Variants in SPAG16 observed in about 807,000 individuals in gnomAD.
The protein encoded by SPAG16 is sperm-associated antigen 16 protein.
A neutral mutation model predicts 80.4 loss-of-function variants in SPAG16; 86 were observed. The observed-to-expected ratio is 1.07, with a 90% CI of 0.90 to 1.28. The LOEUF is 1.28. SPAG16 is among the 50% of genes most tolerant of loss of function. The probability of loss-of-function intolerance (pLI) is 0.00; values close to 1 mark genes in which losing one functional copy is unlikely to be tolerated. For missense variants in SPAG16, 870 were observed against 765.3 expected, an observed-to-expected ratio of 1.14 and a Z score of -1.61; for synonymous variants, 294 against 265.9, an observed-to-expected ratio of 1.11 and a Z score of -1.03.
intron 11 of SPAG16, among the ~76,000 whole-genome samples, chr2:213,863,289 G>T (rs2075557951): frequency 6.6e-6 from 1 of 151,964 alleles, no homozygotes; most frequent in Non-Finnish European, 1.5e-5. Flanking sequence ...AAACTCTCTG[G>T]CCTGATTACT....
intron 10 of SPAG16, among the ~76,000 whole-genome samples, chr2:213,541,326 G>C (rs2076439336): frequency 6.6e-6 from 1 of 152,122 alleles, no homozygotes; most frequent in African/African-American, 2.4e-5. Context: ...GTATGCTCTT[G>C]AAACATCTTG....
intron 10 of SPAG16, among the ~76,000 whole-genome samples, chr2:213,595,893 A>C (rs1334886575): frequency 6.6e-6 from 1 of 152,074 alleles, no homozygotes; most frequent in Admixed American, 6.5e-5. Context: ...ATTATCCAAC[A>C]GTATATTAAA....
intron 13 of SPAG16, among the ~76,000 whole-genome samples, chr2:214,056,360 C>T (rs1314668106): frequency 1.3e-5 from 2 of 151,094 alleles, no homozygotes; most frequent in East Asian, 3.9e-4. Context: ...ATAAGCATAC[C>T]TTGGAGATAC....
intron 10 of SPAG16, among the ~76,000 whole-genome samples, chr2:213,786,970 A>C (rs1269289592): frequency 9.2e-5 from 14 of 152,188 alleles, no homozygotes; most frequent in Admixed American, 9.2e-4. Flanking sequence ...AAACAAATGA[A>C]GGTTATTTAT....
intron 10 of SPAG16, among the ~76,000 whole-genome samples, chr2:213,522,598 C>T (rs1295079745): frequency 3.3e-5 from 5 of 152,088 alleles, no homozygotes; most frequent in Admixed American, 2.6e-4. Context: ...GTGGCTGAGA[C>T]AGAGAAGGTG....
intron 10 of SPAG16, among the ~76,000 whole-genome samples, chr2:213,493,383 T>C (rs1366496990): frequency 6.6e-6 from 1 of 152,150 alleles, no homozygotes; most frequent in Non-Finnish European, 1.5e-5. Flanking sequence ...TTAAAAATCA[T>C]TGATGTATTA....
At chr2:213,762,474 A>G (rs1285809760) in intron 10 of SPAG16, among the ~76,000 whole-genome samples, 2 of 152,208 alleles carry the variant, frequency 1.3e-5, no homozygotes, top group African/African-American at 4.8e-5. Context: ...AACAGAACCT[A>G]GAAATAAACC....
At chr2:214,381,654 G>A (rs539770637) in intron 15 of SPAG16, among the ~76,000 whole-genome samples, 1 of 152,326 alleles carries the variant, frequency 6.6e-6, no homozygotes, top group African/African-American at 2.4e-5. Context: ...AGAGACTCCA[G>A]GTGAAGAGCA....
intron 6 of SPAG16, among the ~76,000 whole-genome samples, chr2:213,348,215 T>G (rs1465085073): frequency 6.6e-6 from 1 of 152,120 alleles, no homozygotes; most frequent in Non-Finnish European, 1.5e-5. Context: ...CCCCTGCTTT[T>G]TTTTGTTTTG....
chr2:214,077,335 G>A (rs1236306274), intron 13 of SPAG16, among the ~76,000 whole-genome samples: 1 of 152,070 alleles, frequency 6.6e-6, no homozygotes, highest in African/African-American at 2.4e-5. Flanking sequence ...TCTTCTACAG[G>A]CAGGCTTCAT....
chr2:214,343,643 A>G (rs879869260), intron 15 of SPAG16, among the ~76,000 whole-genome samples: 27 of 152,162 alleles, frequency 1.8e-4, no homozygotes, highest in Admixed American at 3.3e-4. Context: ...TAAGCCAACT[A>G]AGACAAACTT....
At chr2:213,561,407 ATAAC>A (rs2059594587) in intron 10 of SPAG16, among the ~76,000 whole-genome samples, 4 of 152,334 alleles carry the variant, frequency 2.6e-5, no homozygotes, top group South Asian at 2.1e-4. Flanking sequence ...TACATTTAAA[ATAAC>A]TAAGAGTATA....
At chr2:213,886,508 A>G (rs910582794) in intron 11 of SPAG16, among the ~76,000 whole-genome samples, 1 of 152,098 alleles carries the variant, frequency 6.6e-6, no homozygotes, top group African/African-American at 2.4e-5. Flanking sequence ...CCTTGTTGAA[A>G]AAACAACCAC....
At chr2:213,451,869 G>A (rs1325258840) in intron 9 of SPAG16, among the ~76,000 whole-genome samples, 1 of 152,060 alleles carries the variant, frequency 6.6e-6, no homozygotes, top group African/African-American at 2.4e-5. Flanking sequence ...GGGAGGGAGA[G>A]TTTCTGTGCC....
chr2:213,360,537 G>A (rs982900679), intron 7 of SPAG16, among the ~76,000 whole-genome samples: 2 of 152,150 alleles, frequency 1.3e-5, no homozygotes, highest in African/African-American at 4.8e-5. Flanking sequence ...GTGTCCTTGT[G>A]GAACAAGTCA....
chr2:214,355,302 G>T (rs13024256), intron 15 of SPAG16, among the ~76,000 whole-genome samples: 1 of 115,376 alleles, frequency 8.7e-6, no homozygotes, highest in African/African-American at 2.8e-5. Flanking sequence ...AAGAATCTAC[G>T]ATGAACTCAA....
chr2:213,897,223 C>T (rs1283078162), intron 11 of SPAG16, among the ~76,000 whole-genome samples: 11 of 152,054 alleles, frequency 7.2e-5, no homozygotes, highest in African/African-American at 2.2e-4. Flanking sequence ...AAAGGTAATA[C>T]CATCATGTAT....
chr2:214,016,559 G>A (rs2047602249), intron 13 of SPAG16, among the ~76,000 whole-genome samples: 1 of 152,188 alleles, frequency 6.6e-6, no homozygotes, highest in South Asian at 2.1e-4. Flanking sequence ...TGGCTGTGAA[G>A]ATGAATAGGA....
At chr2:213,346,187 G>C (rs932528086) in intron 6 of SPAG16, among the ~76,000 whole-genome samples, 5 of 152,068 alleles carry the variant, frequency 3.3e-5, no homozygotes, top group African/African-American at 9.7e-5. Flanking sequence ...CTGTTTGTCT[G>C]TTATTGGTGT....
Sources: allele counts gnomAD v4.1 joint callset (sites outside exome capture counted in the v4.1 genomes callset), GRCh38; gene constraint gnomAD v4.1.1; transcripts MANE v1.5; gene names NCBI Gene and HGNC (gene_info 2026-07-23, HGNC 2026-07-21).